The following SPON1 variants were observed in gnomAD, a reference collection of about 807,000 sequenced individuals.
SPON1 encodes the protein spondin 1.
A neutral mutation model predicts 111.7 loss-of-function variants in SPON1; 52 were observed. The observed-to-expected ratio is 0.47, with a 90% CI of 0.37 to 0.59. The LOEUF (loss-of-function observed/expected upper bound fraction) is 0.59. Among genes scored for constraint, SPON1 ranks in the 20% least tolerant of loss-of-function variants. The pLI is 0.00. For missense variants in SPON1, 957 were observed against 1,068.5 expected (o/e 0.90, Z 1.46); for synonymous variants, 410 against 395.8 (o/e 1.04, Z -0.43).
intron 1 of SPON1, among the ~76,000 whole-genome samples, chr11:13,977,736 A>T (rs1848113567): frequency 6.6e-6 from 1 of 152,002 alleles, no homozygotes; most frequent in Non-Finnish European, 1.5e-5. Context: ...TGCTCTATGT[A>T]AGAAATCTTT....
intron 5 of SPON1, among the ~76,000 whole-genome samples, chr11:14,114,756 T>C (rs1318829469): frequency 6.6e-6 from 1 of 152,204 alleles, no homozygotes; most frequent in Non-Finnish European, 1.5e-5. Context: ...CACGGCACTT[T>C]CCACACTGCA....
At chr11:14,244,838 C>A (rs1848970399) in intron 7 of SPON1, among the ~76,000 whole-genome samples, 1 of 152,230 alleles carries the variant, frequency 6.6e-6, no homozygotes, top group Non-Finnish European at 1.5e-5. Flanking sequence ...AGTCCACACT[C>A]CTTAGTTTAG....
At chr11:14,254,489 C>A (rs782206351) in intron 7 of SPON1, 39 bp from the exon 8 acceptor site, 1 of 1,535,712 alleles carries the variant, frequency 6.5e-7, no homozygotes. Context: ...GACCAACCCC[C>A]AGAACTCTAA....
rs576593581 is a variant in SPON1 at position 14,119,994 on chromosome 11, T to G, written c.677-15426T>G. On this transcript the variant is annotated intron_variant, in intron 5 of 15. Transcript: ENST00000576479. Reference sequence around the variant, plus strand: ...CACATATGAGAAGTGGCTACCATATTGGACAGTGAAGTATAGTATACTTCC... The same window carrying G: ...CACATATGAGAAGTGGCTACCATATGGGACAGTGAAGTATAGTATACTTCC... Among the ~76,000 whole-genome samples the G allele has an allele frequency of 2.0e-5, 3 of 152,298 alleles. No homozygotes were observed. In the East Asian group the frequency reaches 5.8e-4, roughly 29 times the overall value.
At chr11:14,156,906 G>T (rs967733409) in intron 6 of SPON1, among the ~76,000 whole-genome samples, 1 of 152,126 alleles carries the variant, frequency 6.6e-6, no homozygotes, top group Non-Finnish European at 1.5e-5. Context: ...TACAAGAACA[G>T]CAAGGGGAAG....
At chr11:13,990,252 A>G (rs1848217407) in intron 2 of SPON1, among the ~76,000 whole-genome samples, 1 of 151,826 alleles carries the variant, frequency 6.6e-6, no homozygotes, top group South Asian at 2.1e-4. Flanking sequence ...ACATATATTT[A>G]GGATAGTTAG....
intron 6 of SPON1, among the ~76,000 whole-genome samples, chr11:14,144,866 C>T (rs957662037): frequency 6.6e-6 from 1 of 151,986 alleles, no homozygotes; most frequent in South Asian, 2.1e-4. Flanking sequence ...CAGATTGGGT[C>T]TGTTTTTTTA....
At chr11:14,116,752 T>A (rs1849269977) in intron 5 of SPON1, among the ~76,000 whole-genome samples, 1 of 152,154 alleles carries the variant, frequency 6.6e-6, no homozygotes, top group Non-Finnish European at 1.5e-5. Context: ...TTTATATTTT[T>A]AAAAAACCTG....
chr11:14,154,638 T>C (rs4757231), intron 6 of SPON1, among the ~76,000 whole-genome samples: 3 of 151,778 alleles, frequency 2.0e-5, no homozygotes, highest in Non-Finnish European at 4.4e-5. Flanking sequence ...TCCCATTGTC[T>C]TGGCTACTAA....
chr11:14,160,963 TTATATA>T (rs1171426532), intron 6 of SPON1, among the ~76,000 whole-genome samples: 1 of 58,080 alleles, frequency 1.7e-5, no homozygotes, highest in East Asian at 5.3e-4. Context: ...TTATATATAT[TTATATA>T]TATTTTTATA....
At chr11:14,174,944 A>C (rs2133884218) in intron 6 of SPON1, among the ~76,000 whole-genome samples, 1 of 151,242 alleles carries the variant, frequency 6.6e-6, no homozygotes, top group East Asian at 2.0e-4. Flanking sequence ...CTTCAAAGGC[A>C]TGGTAAGCAG....
Position 14,062,849 on chromosome 11 carries a change from C to G in SPON1, c.480-12496C>G, listed in dbSNP as rs889741246. 4.6e-5 allele frequency among the ~76,000 whole-genome samples: 7 copies of G among 152,132 alleles called. No individual in the cohort carries two copies. The South Asian group carries it at 1.2e-3, about 27-fold the overall frequency. ...ATCCATTTACAAACAAAGCAGTGAC[C>G]AGGACAAAGACCCTGGAAAAAGTTT... On this transcript the variant is annotated intron_variant, in intron 3 of 15. Transcript: ENST00000576479.
intron 6 of SPON1, among the ~76,000 whole-genome samples, chr11:14,188,663 A>G (rs1848312361): frequency 6.6e-6 from 1 of 152,116 alleles, no homozygotes; most frequent in South Asian, 2.1e-4. Context: ...TGGCAACAGC[A>G]TGATGTGGAG....
chr11:14,161,554 G>T (rs1489822423), intron 6 of SPON1, among the ~76,000 whole-genome samples: 2 of 151,462 alleles, frequency 1.3e-5, no homozygotes, highest in Admixed American at 1.3e-4. Flanking sequence ...CCTGACCTCA[G>T]GTGATCCACC....
chr11:14,179,500 C>T (rs555611197), intron 6 of SPON1, among the ~76,000 whole-genome samples: 1 of 152,244 alleles, frequency 6.6e-6, no homozygotes, highest in East Asian at 1.9e-4. Context: ...ATTGTCATTT[C>T]CTCTGTCCTG....
chr11:14,263,460 G>A (rs1489239916), intron 15 of SPON1, among the ~76,000 whole-genome samples: 1 of 152,146 alleles, frequency 6.6e-6, no homozygotes, highest in East Asian at 1.9e-4. Context: ...CCATTTTAAG[G>A]GTGTGGCTCA....
chr11:14,057,340 A>G (rs1157425914), intron 3 of SPON1, among the ~76,000 whole-genome samples: 1 of 152,228 alleles, frequency 6.6e-6, no homozygotes, highest in East Asian at 1.9e-4. Context: ...AATATTTTAC[A>G]GAATAAATAA....
intron 6 of SPON1, among the ~76,000 whole-genome samples, chr11:14,227,737 A>G (rs1554938269): frequency 6.6e-6 from 1 of 152,198 alleles, no homozygotes; most frequent in Non-Finnish European, 1.5e-5. Context: ...CATTTTACCA[A>G]TGAGAAAATC....
At chr11:14,158,978 A>G (rs1389312493) in intron 6 of SPON1, among the ~76,000 whole-genome samples, 6 of 131,870 alleles carry the variant, frequency 4.5e-5, no homozygotes, top group African/African-American at 1.6e-4. Context: ...TTTCCTCTTA[A>G]GTAATATCTC....
Sources: allele counts gnomAD v4.1 joint callset (sites outside exome capture counted in the v4.1 genomes callset), GRCh38; gene constraint gnomAD v4.1.1; transcripts MANE v1.5; gene names NCBI Gene and HGNC (gene_info 2026-07-23, HGNC 2026-07-21).